Variants in CSNK2A2IP observed in about 807,000 individuals in gnomAD.
The protein encoded by CSNK2A2IP is casein kinase II subunit alpha'-interacting protein.
the CSNK2A2IP span, among the ~76,000 whole-genome samples, chr3:88,366,081 T>C: frequency 7.0e-5 from 9 of 127,872 alleles, no homozygotes; most frequent in Admixed American, 1.5e-4. Context: ...CGTTACTGCA[T>C]TTTGGCAATA....
chr3:88,425,860 T>C, the CSNK2A2IP span, among the ~76,000 whole-genome samples: 1 of 152,180 alleles, frequency 6.6e-6, no homozygotes, highest in Non-Finnish European at 1.5e-5. Flanking sequence ...CTTTGTATTA[T>C]GCTAGATGTT....
the CSNK2A2IP span, among the ~76,000 whole-genome samples, chr3:88,451,136 A>T: frequency 2.0e-5 from 3 of 152,122 alleles, no homozygotes; most frequent in Non-Finnish European, 4.4e-5. Flanking sequence ...AATTGTATAT[A>T]TTTATAGTGT....
chr3:88,419,289 A>G, the CSNK2A2IP span, among the ~76,000 whole-genome samples: 1 of 152,034 alleles, frequency 6.6e-6, no homozygotes, highest in Non-Finnish European at 1.5e-5. Flanking sequence ...CCAAAAGGGC[A>G]CCTTTATTCC....
At chr3:88,414,926 A>T in the CSNK2A2IP span, among the ~76,000 whole-genome samples, 2 of 152,054 alleles carry the variant, frequency 1.3e-5, no homozygotes, top group African/African-American at 4.8e-5. Flanking sequence ...CTATGAATTT[A>T]TTAAAAGCCA....
At chr3:88,385,613 AC>A in the CSNK2A2IP span, among the ~76,000 whole-genome samples, 1 of 152,212 alleles carries the variant, frequency 6.6e-6, no homozygotes, top group African/African-American at 2.4e-5. Context: ...TACTACTAGA[AC>A]ATATTTATAG....
chr3:88,414,899 T>A, the CSNK2A2IP span, among the ~76,000 whole-genome samples: 1 of 151,926 alleles, frequency 6.6e-6, no homozygotes, highest in South Asian at 2.1e-4. Flanking sequence ...ATAAATTATA[T>A]GCTATTCAAC....
chr3:88,457,740 T>TC, the CSNK2A2IP span, among the ~76,000 whole-genome samples: 1 of 150,734 alleles, frequency 6.6e-6, no homozygotes, highest in Non-Finnish European at 1.5e-5. Flanking sequence ...TAAAATAAAA[T>TC]AAAATAAAAT....
chr3:88,365,776 G>A, the CSNK2A2IP span, among the ~76,000 whole-genome samples: 5 of 152,054 alleles, frequency 3.3e-5, no homozygotes, highest in African/African-American at 9.7e-5. Flanking sequence ...AGGAATGTAC[G>A]AGAATGAGTC....
the CSNK2A2IP span, among the ~76,000 whole-genome samples, chr3:88,383,693 G>A: frequency 8.6e-6 from 1 of 116,030 alleles, no homozygotes; most frequent in Non-Finnish European, 1.6e-5. Context: ...GTCTTGCTCT[G>A]TCACGCAGGC....
At chr3:88,457,612 G>A in the CSNK2A2IP span, among the ~76,000 whole-genome samples, 16 of 151,716 alleles carry the variant, frequency 1.1e-4, no homozygotes, top group Non-Finnish European at 2.2e-4. Flanking sequence ...CAGGAGAATC[G>A]CTTGAACTGG....
At chr3:88,380,076 T>C in the CSNK2A2IP span, among the ~76,000 whole-genome samples, 1 of 152,090 alleles carries the variant, frequency 6.6e-6, no homozygotes, top group Non-Finnish European at 1.5e-5. Flanking sequence ...TGTGAAAAGG[T>C]TGACAAAAGC....
the CSNK2A2IP span, chr3:88,466,227 T>C: frequency 1.6e-6 from 2 of 1,231,598 alleles, no homozygotes; most frequent in African/African-American, 3.1e-5. Context: ...ACCCCACTAT[T>C]GGAGGCTTAC....
chr3:88,350,623 A>G, the CSNK2A2IP span, among the ~76,000 whole-genome samples: 1 of 151,772 alleles, frequency 6.6e-6, no homozygotes, highest in Non-Finnish European at 1.5e-5. Flanking sequence ...ACAGCTTCAC[A>G]GAGCTGTAGT....
the CSNK2A2IP span, among the ~76,000 whole-genome samples, chr3:88,462,657 T>C: frequency 6.6e-6 from 1 of 152,192 alleles, no homozygotes; most frequent in African/African-American, 2.4e-5. Flanking sequence ...GGTGTCTAAA[T>C]GGCTTGGGAG....
At chr3:88,445,578 A>C in the CSNK2A2IP span, among the ~76,000 whole-genome samples, 1 of 152,170 alleles carries the variant, frequency 6.6e-6, no homozygotes, top group African/African-American at 2.4e-5. Flanking sequence ...TTTCTTTTAC[A>C]GACAGAGTCT....
the CSNK2A2IP span, among the ~76,000 whole-genome samples, chr3:88,458,043 A>G: frequency 6.6e-6 from 1 of 151,542 alleles, no homozygotes; most frequent in Non-Finnish European, 1.5e-5. Flanking sequence ...TTATTGGCAT[A>G]ATATTCTTCA....
At chr3:88,412,330 G>A in the CSNK2A2IP span, among the ~76,000 whole-genome samples, 1 of 151,906 alleles carries the variant, frequency 6.6e-6, no homozygotes, top group Admixed American at 6.6e-5. Flanking sequence ...GAGGGGAAAG[G>A]CCTTCTACTA....
At chr3:88,399,959 A>G in the CSNK2A2IP span, 1 of 152,378 alleles carries the variant, frequency 6.6e-6, no homozygotes, top group Middle Eastern at 3.4e-3. Context: ...GGAATCAAAA[A>G]GCAAAAAGTA....
the CSNK2A2IP span, among the ~76,000 whole-genome samples, chr3:88,452,599 A>G: frequency 6.6e-6 from 1 of 152,140 alleles, no homozygotes; most frequent in Admixed American, 6.6e-5. Flanking sequence ...ATGTCTGTAC[A>G]TTTGGTCGAC....
Sources: allele counts gnomAD v4.1 joint callset (sites outside exome capture counted in the v4.1 genomes callset), GRCh38; gene constraint gnomAD v4.1.1; transcripts MANE v1.5; gene names NCBI Gene and HGNC (gene_info 2026-07-23, HGNC 2026-07-21).